The following INPP5K variants were observed in gnomAD, a reference collection of about 807,000 sequenced individuals.
The protein encoded by INPP5K is inositol polyphosphate-5-phosphatase K, also known as inositol polyphosphate 5-phosphatase K.
Under a neutral mutation model 53.5 loss-of-function variants are expected in INPP5K, and 35 were observed. The observed-to-expected ratio is 0.65, with a 90% CI of 0.50 to 0.87. The LOEUF (loss-of-function observed/expected upper bound fraction) is 0.87, where lower values mean the gene tolerates loss of function less well. Among genes scored for constraint, INPP5K ranks in the 40% least tolerant of loss-of-function variants. INPP5K has a pLI of 0.00. For missense variants in INPP5K, 550 were observed against 586.2 expected (o/e 0.94, Z 0.64); for synonymous variants, 253 against 232.8 (o/e 1.09, Z -0.79).
At chr17:1,513,705 C>T in intron 2 of INPP5K, 144 bp from the exon 3 acceptor site, 3 of 908,394 alleles carry the variant, frequency 3.3e-6, no homozygotes, top group East Asian at 2.5e-5. Flanking sequence ...GATCTCCAGC[C>T]CCCTTTGCCG....
rs2074796814 is a variant in INPP5K, at chr17:1,495,220, C to T, written c.*603G>A. The T allele has an allele frequency of 6.6e-6, 1 of 152,288 alleles. No homozygotes were observed. The highest frequency in any genetic ancestry group is 2.4e-5 in the African/African-American group (1 of 41,458). The allele number at this position is 152,288 out of a possible 1,614,324, so 9.4% of individuals were successfully genotyped here. On this transcript the variant is annotated 3_prime_UTR_variant, in exon 12 of 12. Coordinates refer to ENST00000421807, the MANE Select transcript of INPP5K (RefSeq NM_016532.4). ...GGAAGGTTGTGCTGGCCGAAGGACC[C>T]TCATCAACCTGCTCATAACCATGGC... is the stretch of plus-strand genomic sequence containing the variant.
intron 3 of INPP5K, among the ~76,000 whole-genome samples, chr17:1,511,396 G>A (rs2075304555): frequency 6.6e-6 from 1 of 152,188 alleles, no homozygotes; most frequent in Non-Finnish European, 1.5e-5. Flanking sequence ...CTCAGGTTCA[G>A]GCTGTCTACC....
chr17:1,516,421 G>A (rs758183939), intron 1 of INPP5K, 35 bp downstream of exon 1: 7 of 1,576,672 alleles, frequency 4.4e-6, no homozygotes, highest in Non-Finnish European at 6.0e-6. Flanking sequence ...CGATCCCCCC[G>A]AGCAGGCCTG....
At chr17:1,497,423 A>C (rs2074884067) in intron 8 of INPP5K, among the ~76,000 whole-genome samples, 1 of 152,144 alleles carries the variant, frequency 6.6e-6, no homozygotes, top group Non-Finnish European at 1.5e-5. Flanking sequence ...TCAGTGAGCT[A>C]TGATACCGCC....
chr17:1,501,349 C>T (rs983390479), intron 7 of INPP5K, among the ~76,000 whole-genome samples: 2 of 152,180 alleles, frequency 1.3e-5, no homozygotes, highest in Non-Finnish European at 2.9e-5. Context: ...AGGAGAATGG[C>T]GTTACAGTGG....
intron 7 of INPP5K, among the ~76,000 whole-genome samples, chr17:1,502,297 G>A (rs1039607264): frequency 5.9e-5 from 9 of 152,062 alleles, no homozygotes; most frequent in Non-Finnish European, 1.2e-4. Context: ...TGTAGTGAGT[G>A]GAGATCGCGC....
At chr17:1,513,674 G>A (rs1567565673) in intron 2 of INPP5K, 113 bp from the exon 3 acceptor site, 2 of 1,012,070 alleles carry the variant, frequency 2.0e-6, no homozygotes, top group Non-Finnish European at 3.1e-6. Flanking sequence ...ATGGCCATGA[G>A]GTCTCCCTCC....
In INPP5K at chr17:1,496,682, C is replaced by T. The variant is rs1249713150; in HGVS notation, c.1085G>A (p.Trp362Ter). 2 of 1,614,072 alleles carry T rather than the reference C, an allele frequency of 1.2e-6. No homozygotes were observed. The highest frequency in any genetic ancestry group is 4.5e-5 in the East Asian group (2 of 44,902). Residue 362 changes from tryptophan (W) to a stop codon, truncating the protein, a stop_gained, in exon 9 of 12, where the codon TGG becomes TAG. Transcript: ENST00000421807. LOFTEE classifies it high-confidence loss of function. The stretch of plus-strand genomic sequence containing the variant: ...CCACATCACCTTGTACAGTCCAATC[C>T]AGTCCCACGGGCTGCTGGGGAAGTC... ...TSDFPSSPWD[W>*]IGLYKVGLRD...
intron 3 of INPP5K, among the ~76,000 whole-genome samples, chr17:1,511,637 C>T (rs1169196337): frequency 6.6e-6 from 1 of 152,170 alleles, no homozygotes; most frequent in African/African-American, 2.4e-5. Context: ...GTCCTCAAGC[C>T]TACTTCCTCC....
At position 1,498,032 on chromosome 17, in the gene INPP5K, C is replaced by A. The variant is rs200397526; in HGVS notation, c.867G>T (p.Pro289=). Residue 289 remains proline, a synonymous_variant, in exon 8 of 12, where the codon CCG becomes CCT. Transcript: ENST00000421807. The stretch of plus-strand genomic sequence containing the variant: ...TCAGAGACAAGGAGAAGTGTGACGC[C>A]GGCGGTATGGGAGTGTCGGGGCCAG... ...PCAGPDTPIP[P]ASHFSLSLRG... The A allele has an allele frequency of 2.5e-6, 4 of 1,614,080 alleles. No individual in the cohort carries two copies. The highest frequency in any genetic ancestry group is 1.6e-4 in the Middle Eastern group (1 of 6,062).
intron 7 of INPP5K, among the ~76,000 whole-genome samples, chr17:1,501,880 C>A (rs901498503): frequency 3.8e-4 from 58 of 150,982 alleles, no homozygotes; most frequent in African/African-American, 1.1e-3. Context: ...CACACACACA[C>A]ACAAATTTGC....
At chr17:1,515,605 AG>A in intron 1 of INPP5K, 1 of 985,514 alleles carries the variant, frequency 1.0e-6, no homozygotes, top group Non-Finnish European at 1.2e-6. Flanking sequence ...CAGAGGGTAC[AG>A]GGGGATGGGA....
rs374566605 is a variant in INPP5K at position 1,507,109 on chromosome 17, C to A, written c.667-20G>T. ...GCTGAGCTGCAGACAAAGTCATAGT[C>A]CCCGTCTCCCAGTAGTCTCGACCCA... On this transcript the variant is annotated intron_variant, in intron 6 of 11. Coordinates refer to ENST00000421807, the MANE Select transcript of INPP5K (RefSeq NM_016532.4). 1 of 1,596,460 alleles carries A rather than the reference C, an allele frequency of 6.3e-7. No homozygotes were observed. Among genetic ancestry groups the A allele is most frequent in the Non-Finnish European group, 8.6e-7 (1 of 1,164,246 alleles).
At position 1,496,790 on chromosome 17, in the gene INPP5K, A is replaced by G. The variant is rs1309084350; in HGVS notation, c.977T>C (p.Val326Ala). ...CATCAGGACGATCAGCGGAGCAGAC[A>G]CCAATGGCTTCAGCTAGACACGGGG... ...GTFDLELKPL[V>A]SAPLIVLMPE... Residue 326 changes from valine to alanine, a missense_variant, in exon 9 of 12, where the codon GTG becomes GCG. Physicochemically the swap from Val to Ala is moderately conservative, Grantham distance 64 (BLOSUM62 0). Transcript: ENST00000421807. 1.2e-6 allele frequency: 2 copies of G among 1,614,070 alleles called. No homozygotes were observed. Among genetic ancestry groups the G allele is most frequent in the Middle Eastern group, 3.3e-4 (2 of 6,062 alleles).
In INPP5K at chr17:1,496,173, G is replaced by C. The variant is rs1049702913; in HGVS notation, c.1186-9C>G. 13 of 1,589,490 alleles carry C rather than the reference G, an allele frequency of 8.2e-6. No individual in the cohort carries two copies. The African/African-American group carries it at 1.7e-4, about 21-fold the overall frequency. On this transcript the variant is annotated splice_polypyrimidine_tract_variant and intron_variant, in intron 10 of 11. Transcript: ENST00000421807. ...CTGATGTCGATGTAAACCTGGAGGG[G>C]GATGGACAGGACTGGGGTCAGCTCC...
At chr17:1,507,131 C>A in intron 6 of INPP5K, 42 bp from the exon 7 acceptor site, 2 of 1,444,560 alleles carry the variant, frequency 1.4e-6, no homozygotes, top group Non-Finnish European at 1.9e-6. Context: ...GTAGTCTCGA[C>A]CCAGTGGCCC....
At chr17:1,509,585 A>T in intron 4 of INPP5K, 98 bp downstream of exon 4, 1 of 958,740 alleles carries the variant, frequency 1.0e-6, no homozygotes, top group South Asian at 1.3e-5. Flanking sequence ...TGGGCTGGAC[A>T]GAGGACCAAG....
In INPP5K at chr17:1,504,874, T is replaced by C. The variant is rs540211517; in HGVS notation, c.776+2106A>G. Among the ~76,000 whole-genome samples the C allele has an allele frequency of 2.6e-5, 4 of 152,336 alleles. No homozygotes were observed. In the South Asian group the frequency reaches 6.2e-4, roughly 24 times the overall value. On this transcript the variant is annotated intron_variant, in intron 7 of 11. Transcript: ENST00000421807. ...GATGACCATGAATCCTGAGGTACGA[T>C]GGGCTTGAGGAAAGTACTGTGGGCT...
chr17:1,511,089 T>C (rs1287400992), intron 3 of INPP5K, among the ~76,000 whole-genome samples: 1 of 152,156 alleles, frequency 6.6e-6, no homozygotes, highest in Non-Finnish European at 1.5e-5. Flanking sequence ...TGCGTGCAGC[T>C]GGGTGTCCAT....
Sources: allele counts gnomAD v4.1 joint callset (sites outside exome capture counted in the v4.1 genomes callset), GRCh38; gene constraint gnomAD v4.1.1; transcripts MANE v1.5; gene names NCBI Gene and HGNC (gene_info 2026-07-23, HGNC 2026-07-21).